MTRR: variants seen among roughly 807,000 people sequenced by gnomAD.
The protein encoded by MTRR is methionine synthase reductase.
In MTRR, 63 loss-of-function variants were observed where a neutral mutation model predicts 79.2. The ratio of observed to expected loss-of-function variants is 0.80; its 90% confidence interval spans 0.65 to 0.98. The LOEUF (loss-of-function observed/expected upper bound fraction) is 0.98, where lower values mean the gene tolerates loss of function less well. Ranked by LOEUF, MTRR falls within the 50% of genes least tolerant of loss-of-function variation. The pLI is 0.00. For missense variants in MTRR, 895 were observed against 839.6 expected (o/e 1.07, Z -0.82); for synonymous variants, 355 against 313.3 (o/e 1.13, Z -1.41).
chr5:7,880,779 G>A (rs779694878), intron 5 of MTRR, among the ~76,000 whole-genome samples: 1 of 152,150 alleles, frequency 6.6e-6, no homozygotes, highest in Non-Finnish European at 1.5e-5. Context: ...GCCACTGGAG[G>A]TCCTGGGCCA....
At chr5:7,863,404 T>G (rs1439357169) in intron 2 of MTRR, 3 of 162,540 alleles carry the variant, frequency 1.8e-5, no homozygotes, top group African/African-American at 7.2e-5. Context: ...TTCTCTAATC[T>G]GAAAATCCAA....
upstream of MTRR, chr5:7,867,239 T>C: frequency 6.2e-7 from 1 of 1,614,024 alleles, no homozygotes; most frequent in Non-Finnish European, 8.5e-7. Context: ...TAGGGAAAAG[T>C]TGTTTATCTT....
exon 1 of MTRR, chr5:7,851,219 C>T: frequency 1.9e-6 from 1 of 513,198 alleles, no homozygotes. Context: ...CGACCCTCCC[C>T]TCCTCCCTCC....
chr5:7,890,988 GGCACCTCCCTGCAGAAAACTGC>G (rs2308001), intron 9 of MTRR, among the ~76,000 whole-genome samples: 127,029 of 150,962 alleles, frequency 0.84, 53,682 homozygotes, highest in African/African-American at 0.9. Context: ...CTGAAAACTG[GGCACCTCCCTGCAGAAAACTGC>G]GCACCTCCCT....
chr5:7,889,973 C>A (rs1298700134), intron 9 of MTRR, among the ~76,000 whole-genome samples: 2 of 152,150 alleles, frequency 1.3e-5, no homozygotes, highest in Non-Finnish European at 2.9e-5. Context: ...TGTCCTAGGA[C>A]CTCTCTGTGG....
intron 8 of MTRR, 122 bp from the exon 9 acceptor site, chr5:7,888,973 C>T (rs1737083618): frequency 2.8e-6 from 3 of 1,088,426 alleles, no homozygotes; most frequent in Non-Finnish European, 4.1e-6. Flanking sequence ...ACAATAGCTC[C>T]TAGTGGCTTT....
chr5:7,852,373 TTC>T (rs1746100878), intron 1 of MTRR, among the ~76,000 whole-genome samples: 2 of 152,088 alleles, frequency 1.3e-5, no homozygotes, highest in Admixed American at 6.5e-5. Flanking sequence ...ACCACGCTTT[TTC>T]TCTCTCTTTT....
intron 5 of MTRR, 67 bp downstream of exon 5, chr5:7,878,389 T>C: frequency 6.3e-7 from 1 of 1,584,238 alleles, no homozygotes; most frequent in Non-Finnish European, 8.7e-7. Flanking sequence ...GGCTTTTAAA[T>C]TATTATTACA....
chr5:7,877,748 A>G (rs1038620055), intron 4 of MTRR, among the ~76,000 whole-genome samples, 196 bp from the exon 5 acceptor site: 12 of 152,104 alleles, frequency 7.9e-5, no homozygotes, highest in South Asian at 2.1e-4. Context: ...GTTTTCAGCT[A>G]CGGTGCTAAT....
chr5:7,865,136 A>T (rs561431772), upstream of MTRR, among the ~76,000 whole-genome samples: 6 of 152,288 alleles, frequency 3.9e-5, no homozygotes, highest in East Asian at 1.2e-3. Context: ...GAGAAAAAAA[A>T]TAGACAGTGT....
intron 2 of MTRR, among the ~76,000 whole-genome samples, chr5:7,863,702 A>G (rs948904562): frequency 2.6e-5 from 4 of 152,232 alleles, no homozygotes; most frequent in East Asian, 1.9e-4. Context: ...GAAAATGGTT[A>G]TTTATTTGGA....
chr5:7,897,106 A>G lies in MTRR; in HGVS notation c.1811A>G (p.His604Arg). Reference protein sequence around the residue: ...RHFLKHGILTHLKVSFSRDAP... With the variant: ...RHFLKHGILTRLKVSFSRDAP... ...TTCCTTAAGCATGGGATCTTAACTC[A>G]TCTAAAGGTTTCCTTCTCAAGAGAT... Residue 604 changes from histidine (H) to arginine (R), a missense_variant, in exon 14 of 15, where the codon CAT (histidine) becomes CGT (arginine). Transcript: ENST00000440940. 1.2e-6 allele frequency: 2 copies of G among 1,614,186 alleles called. No individual in the cohort carries two copies. Among genetic ancestry groups the G allele is most frequent in the Non-Finnish European group, 1.7e-6 (2 of 1,180,018 alleles).
At chr5:7,884,182 AAAG>A (rs1395566011) in intron 6 of MTRR, among the ~76,000 whole-genome samples, 1 of 152,166 alleles carries the variant, frequency 6.6e-6, no homozygotes, top group Admixed American at 6.5e-5. Flanking sequence ...TAAAAAAAGA[AAAG>A]AAATAGAACC....
At chr5:7,857,469 G>C (rs326210) in intron 1 of MTRR, among the ~76,000 whole-genome samples, 32,082 of 152,186 alleles carry the variant, frequency 0.21, 4,613 homozygotes, top group African/African-American at 0.39. Flanking sequence ...CCAGAGGCAG[G>C]TCTAGCCTCC....
At chr5:7,875,704 C>T (rs970016413) in intron 4 of MTRR, among the ~76,000 whole-genome samples, 1 of 152,226 alleles carries the variant, frequency 6.6e-6, no homozygotes, top group Non-Finnish European at 1.5e-5. Flanking sequence ...GCATGTGCTT[C>T]TCTCTGCCAT....
rs1739331027 is a variant in MTRR at position 7,900,639 on chromosome 5, A to G, written c.*581A>G. On this transcript the variant is annotated 3_prime_UTR_variant, in exon 15 of 15. Transcript: ENST00000440940. Reference sequence around the variant, plus strand: ...AGGATAATTGCCTACAGAGGGATTTATTTTTATGATGCTGGAAATATGAAA... The same window carrying G: ...AGGATAATTGCCTACAGAGGGATTTGTTTTTATGATGCTGGAAATATGAAA... 6.5e-6 allele frequency: 1 copy of G among 152,936 alleles called. No homozygotes were observed. The highest frequency in any genetic ancestry group is 6.5e-5 in the Admixed American group (1 of 15,330). The allele number at this position is 152,936 out of a possible 1,614,324, so 9.5% of individuals were successfully genotyped here. A position where few individuals can be genotyped will look rare whatever the true frequency, so the allele number is the denominator to read the frequency against.
chr5:7,886,796 G>C, intron 8 of MTRR, 93 bp downstream of exon 8: 1 of 1,029,054 alleles, frequency 9.7e-7, no homozygotes, highest in Non-Finnish European at 1.5e-6. Context: ...GCCCTTTGCA[G>C]TCTTAAAAAA....
At chr5:7,864,760 C>G (rs1746815334), upstream of MTRR, among the ~76,000 whole-genome samples, 1 of 151,520 alleles carries the variant, frequency 6.6e-6, no homozygotes, top group Non-Finnish European at 1.5e-5. Context: ...GTGGAGGAGA[C>G]ATGGCCACCT....
rs886060807 is a variant in MTRR, at chr5:7,889,196, T to C, written c.1248T>C (p.Phe416=). The change falls in exon 9 of 15, where the codon TTT becomes TTC. Residue 416 remains phenylalanine, a synonymous_variant. Coordinates refer to ENST00000440940, the MANE Select transcript of MTRR (RefSeq NM_002454.3). ...SKQGAADYSR[F]VRDACACLLD... ...AAGGGGCAGCCGATTATAGCCGCTTTGTACGAGATGCCTGTGCCTGCTTGT... is the reference window on the plus strand; with the variant it reads ...AAGGGGCAGCCGATTATAGCCGCTTCGTACGAGATGCCTGTGCCTGCTTGT... 6.2e-7 allele frequency: 1 copy of C among 1,613,974 alleles called. No homozygotes were observed. The highest frequency in any genetic ancestry group is 8.5e-7 in the Non-Finnish European group (1 of 1,180,030).
Sources: gnomAD v4.1 joint callset for allele counts (sites outside exome capture counted in the v4.1 genomes callset) on GRCh38, gnomAD v4.1.1 for gene constraint, MANE v1.5 for transcripts, NCBI Gene and HGNC (gene_info 2026-07-23, HGNC 2026-07-21) for gene names.